The following SPATA18 variants were observed in gnomAD, a reference collection of about 807,000 sequenced individuals.
The protein encoded by SPATA18 is spermatogenesis associated 18.
In SPATA18, 54 loss-of-function variants were observed where a neutral mutation model predicts 68.1. The ratio of observed to expected loss-of-function variants is 0.79; its 90% CI spans 0.64 to 0.99. The LOEUF (loss-of-function observed/expected upper bound fraction) is 0.99, where lower values mean the gene tolerates loss of function less well. SPATA18 is among the 50% of genes least tolerant of loss of function. The pLI is 0.00. For missense variants in SPATA18, 724 were observed against 681.1 expected (o/e 1.06, Z -0.70); for synonymous variants, 242 against 244.8 (o/e 0.99, Z 0.11).
At chr4:52,081,548 G>A (rs946500117) in intron 9 of SPATA18, among the ~76,000 whole-genome samples, 1 of 152,174 alleles carries the variant, frequency 6.6e-6, no homozygotes, top group Admixed American at 6.5e-5. Context: ...GACTGGCCTA[G>A]AGGGACTAAC....
In SPATA18 at chr4:52,060,490, A is replaced by G; in HGVS notation, c.159A>G (p.Gln53=). The G allele has an allele frequency of 6.2e-7, 1 of 1,613,682 alleles. No individual in the cohort carries two copies. Residue 53 remains glutamine (Q), a synonymous_variant, in exon 2 of 13, where the codon CAA becomes CAG. Coordinates refer to ENST00000295213, the MANE Select transcript of SPATA18 (RefSeq NM_145263.4). Reference sequence around the variant, plus strand: ...AGCAAGTTGCCAAGGTGCAGGGACAACTCTTTGGGATCCTCACAGCAGCAG... The same window carrying G: ...AGCAAGTTGCCAAGGTGCAGGGACAGCTCTTTGGGATCCTCACAGCAGCAG... ...LIEQVAKVQG[Q]LFGILTAAAQ...
rs1298667622 is a variant in SPATA18 at position 52,079,760 on chromosome 4, T to C, written c.1196T>C (p.Met399Thr). ...GTTTTTCAGGATGTGATCCGAGCCA[T>C]GAATGTCAATCCCAAGATTTCATTC... ...QSSVNDVIRAMNVNPKISFPP... is the reference protein window; with the variant it reads ...QSSVNDVIRATNVNPKISFPP... The change falls in exon 9 of 13, where the codon ATG becomes ACG. Residue 399 changes from methionine to threonine, a missense_variant. Coordinates refer to ENST00000295213, the MANE Select transcript of SPATA18 (RefSeq NM_145263.4). 2 of 1,613,988 alleles carry C rather than the reference T, an allele frequency of 1.2e-6. No homozygotes were observed. The highest frequency in any genetic ancestry group is 1.7e-5 in the Admixed American group (1 of 60,010).
chr4:52,084,885 T>A (rs977207682), intron 10 of SPATA18, 31 bp from the exon 11 acceptor site: 1 of 1,608,302 alleles, frequency 6.2e-7, no homozygotes, highest in Non-Finnish European at 8.5e-7. Context: ...AACTCCTGAC[T>A]ATGTCTCTCT....
chr4:52,082,785 A>G (rs1741058534), intron 10 of SPATA18: 1 of 1,239,392 alleles, frequency 8.1e-7, no homozygotes, highest in Non-Finnish European at 1.0e-6. Context: ...GAATTATTAT[A>G]ATATTTTAAA....
chr4:52,069,672 TA>T (rs767949462), intron 4 of SPATA18, 148 bp from the exon 5 acceptor site: 5 of 399,562 alleles, frequency 1.3e-5, no homozygotes, highest in Non-Finnish European at 2.3e-5. Context: ...TTTGCAATAT[TA>T]CCTGATTGAA....
rs889463318 is a variant in SPATA18, at chr4:52,095,795, C to G, written c.*908C>G. On this transcript the variant is annotated 3_prime_UTR_variant, in exon 13 of 13. Coordinates refer to ENST00000295213, the MANE Select transcript of SPATA18 (RefSeq NM_145263.4). ...TGACCAAAACTACTTAAACTCAAGG[C>G]CCAAAACTAGGGGCACCATTTACTG... is the stretch of plus-strand genomic sequence containing the variant. 3 of 152,136 alleles carry G rather than the reference C, an allele frequency of 2.0e-5. No individual in the cohort carries two copies. The highest frequency in any genetic ancestry group is 2.4e-5 in the African/African-American group (1 of 41,424). 9.4% of individuals were successfully genotyped at this position (152,136 alleles called of 1,614,324 possible).
chr4:52,085,110 A>G, intron 11 of SPATA18, 111 bp downstream of exon 11: 1 of 739,944 alleles, frequency 1.4e-6, no homozygotes, highest in Admixed American at 2.8e-5. Context: ...GTGGAAAGAG[A>G]ACCTGTTGCA....
intron 1 of SPATA18, among the ~76,000 whole-genome samples, chr4:52,059,814 A>G (rs1029404423): frequency 6.6e-6 from 1 of 152,266 alleles, no homozygotes. Context: ...TATAATATAT[A>G]CAAATTGAAT....
At chr4:52,078,661 T>A in intron 7 of SPATA18, 74 bp from the exon 8 acceptor site, 1 of 1,367,554 alleles carries the variant, frequency 7.3e-7, no homozygotes, top group Non-Finnish European at 9.8e-7. Flanking sequence ...GCTCGGATTC[T>A]TTCTAATTCC....
chr4:52,076,400 G>T (rs1489697067), intron 6 of SPATA18, among the ~76,000 whole-genome samples: 9 of 152,160 alleles, frequency 5.9e-5, no homozygotes, highest in Admixed American at 5.9e-4. Context: ...TATCCTTTTT[G>T]AGGGTCTGGT....
chr4:52,062,279 G>A lies in SPATA18; in HGVS notation c.369G>A (p.Gln123=). 6.2e-7 allele frequency: 1 copy of A among 1,609,718 alleles called. No individual in the cohort carries two copies. Among genetic ancestry groups the A allele is most frequent in the Non-Finnish European group, 8.5e-7 (1 of 1,178,184 alleles). ...DPSPRDRDMQ[Q]LDSNLNSTRS... is the part of the protein sequence containing the mutation. The stretch of plus-strand genomic sequence containing the variant: ...GTCCTCGGGATCGGGATATGCAACA[G>A]TTAGACTCTAATTTGAACTCAACCC... Residue 123 remains glutamine, a synonymous_variant, in exon 4 of 13, where the codon CAG becomes CAA. Coordinates refer to ENST00000295213, the MANE Select transcript of SPATA18 (RefSeq NM_145263.4).
chr4:52,062,099 C>T lies in SPATA18; in HGVS notation c.310-121C>T, dbSNP rs1258303118. 3 of 622,706 alleles carry T rather than the reference C, an allele frequency of 4.8e-6. No individual in the cohort carries two copies. In the East Asian group the frequency reaches 7.8e-5, roughly 16 times the overall value. The allele number at this position is 622,706 out of a possible 1,614,324, so 38.6% of individuals were successfully genotyped here. ...ATTAATTTTGCCTGTACTAGAACTT[C>T]ATGTGCATGGAGCCGTGCATAATTG... On this transcript the variant is annotated intron_variant, in intron 3 of 12. Transcript: ENST00000295213.
chr4:52,086,132 C>T (rs1009876054), intron 11 of SPATA18, among the ~76,000 whole-genome samples: 19 of 152,078 alleles, frequency 1.2e-4, no homozygotes, highest in Non-Finnish European at 1.9e-4. Flanking sequence ...GAATCACATC[C>T]GGCAACCCTA....
rs2109392011 is a variant in SPATA18, at chr4:52,051,561, G to A, written c.-144G>A. 1.3e-6 allele frequency: 1 copy of A among 787,208 alleles called. No individual in the cohort carries two copies. Among genetic ancestry groups the A allele is most frequent in the Non-Finnish European group, 2.1e-6 (1 of 466,060 alleles). The allele number at this position is 787,208 out of a possible 1,614,324, so 48.8% of individuals were successfully genotyped here. A position where few individuals can be genotyped will look rare whatever the true frequency, so the allele number is the denominator to read the frequency against. On this transcript the variant is annotated 5_prime_UTR_variant, in exon 1 of 13. Transcript: ENST00000295213. ...AACCCGGCCAGGTCCGACCCGAGGGGGAGGATGGAAACACCTGCCGCGCTC... is the reference window on the plus strand; with the variant it reads ...AACCCGGCCAGGTCCGACCCGAGGGAGAGGATGGAAACACCTGCCGCGCTC...
chr4:52,087,747 A>G (rs1167790384), intron 11 of SPATA18, among the ~76,000 whole-genome samples: 1 of 152,100 alleles, frequency 6.6e-6, no homozygotes, highest in Non-Finnish European at 1.5e-5. Flanking sequence ...TGTCTTGGCT[A>G]GGAGGGCTCT....
intron 6 of SPATA18, among the ~76,000 whole-genome samples, chr4:52,075,814 A>G (rs1740289522): frequency 6.6e-6 from 1 of 152,176 alleles, no homozygotes; most frequent in Non-Finnish European, 1.5e-5. Context: ...TATCATTGTT[A>G]GGATTATGGA....
intron 6 of SPATA18, among the ~76,000 whole-genome samples, chr4:52,075,794 G>T (rs1740287554): frequency 6.6e-6 from 1 of 152,200 alleles, no homozygotes; most frequent in South Asian, 2.1e-4. Flanking sequence ...GACAGCTTCT[G>T]CCCCGGCTTT....
chr4:52,094,692 C>A, intron 12 of SPATA18, 120 bp downstream of exon 12: 1 of 1,294,440 alleles, frequency 7.7e-7, no homozygotes, highest in Non-Finnish European at 1.1e-6. Flanking sequence ...TCTTACTCCT[C>A]ACACCTTTCA....
In SPATA18 at chr4:52,076,788, G is replaced by A. The variant is rs776158845; in HGVS notation, c.768G>A (p.Arg256=). ...EKSALQGRSS[R]SRSPSPAPRS... ...TCTCGCTCACCAACAGGTCCTCCAG[G>A]AGCCGGTCTCCCAGCCCTGCCCCTC... The change falls in exon 7 of 13, where the codon AGG becomes AGA. Residue 256 remains arginine, a synonymous_variant. Coordinates refer to ENST00000295213, the MANE Select transcript of SPATA18 (RefSeq NM_145263.4). 3.7e-6 allele frequency: 6 copies of A among 1,613,386 alleles called. No homozygotes were observed. Among genetic ancestry groups the A allele is most frequent in the Non-Finnish European group, 5.1e-6 (6 of 1,179,630 alleles).
Sources: gnomAD v4.1 joint callset for allele counts (sites outside exome capture counted in the v4.1 genomes callset) on GRCh38, gnomAD v4.1.1 for gene constraint, MANE v1.5 for transcripts, NCBI Gene and HGNC (gene_info 2026-07-23, HGNC 2026-07-21) for gene names.